SELENOT: variants seen among roughly 807,000 people sequenced by gnomAD.
SELENOT encodes the protein thioredoxin reductase-like selenoprotein T.
Under a neutral mutation model 24.3 loss-of-function variants are expected in SELENOT, and 9 were observed. The observed-to-expected ratio is 0.37, with a 90% confidence interval of 0.22 to 0.65. The LOEUF is 0.65. Ranked by LOEUF, SELENOT falls within the 30% of genes least tolerant of loss-of-function variation. The pLI, the probability that SELENOT is intolerant of heterozygous loss-of-function variation, is 0.60. For synonymous variants in SELENOT, 81 were observed against 86.0 expected (o/e 0.94, Z 0.32); for missense variants, 166 against 247.6 (o/e 0.67, Z 2.21).
At position 150,618,209 on chromosome 3, in the gene SELENOT, C is replaced by T. The variant is rs149958546; in HGVS notation, c.138-4176C>T. ...AGAGAAGGAACTCTGTTTGGATCTTCTTGTTACAGGTTTGTATTTCTGGAA... is the reference window on the plus strand; with the variant it reads ...AGAGAAGGAACTCTGTTTGGATCTTTTTGTTACAGGTTTGTATTTCTGGAA... On this transcript the variant is annotated intron_variant, in intron 1 of 5. Transcript: ENST00000471696. Among the ~76,000 whole-genome samples, 969 of 152,248 alleles carry T rather than the reference C, an allele frequency of 6.4e-3. 8 individuals carry two copies. The highest frequency in any genetic ancestry group is 0.023 in the African/African-American group (947 of 41,544).
chr3:150,606,944 G>T (rs1725978984), intron 1 of SELENOT, among the ~76,000 whole-genome samples: 1 of 152,038 alleles, frequency 6.6e-6, no homozygotes, highest in Non-Finnish European at 1.5e-5. Context: ...AATTTGTATT[G>T]ATAGTTACTC....
chr3:150,620,798 G>A (rs764669117), intron 1 of SELENOT, among the ~76,000 whole-genome samples: 53 of 152,314 alleles, frequency 3.5e-4, no homozygotes, highest in Middle Eastern at 3.4e-3. Flanking sequence ...TTTTAAGGTA[G>A]TTAGGCTTAT....
At chr3:150,618,219 G>C (rs1261554144) in intron 1 of SELENOT, among the ~76,000 whole-genome samples, 1 of 152,164 alleles carries the variant, frequency 6.6e-6, no homozygotes, top group Non-Finnish European at 1.5e-5. Context: ...CTTGTTACAG[G>C]TTTGTATTTC....
At chr3:150,608,097 C>T (rs1726008242) in intron 1 of SELENOT, among the ~76,000 whole-genome samples, 1 of 151,952 alleles carries the variant, frequency 6.6e-6, no homozygotes, top group African/African-American at 2.4e-5. Context: ...TGAGAGATGT[C>T]AAAGATGATT....
At chr3:150,608,441 TTTTG>T (rs1340033129) in intron 1 of SELENOT, among the ~76,000 whole-genome samples, 2 of 152,178 alleles carry the variant, frequency 1.3e-5, no homozygotes, top group African/African-American at 4.8e-5. Context: ...CTGTGGCTTT[TTTTG>T]TTTGTTATTG....
At chr3:150,626,307 TC>T (rs1258781368) in intron 4 of SELENOT, among the ~76,000 whole-genome samples, 1 of 152,230 alleles carries the variant, frequency 6.6e-6, no homozygotes, top group Non-Finnish European at 1.5e-5. Context: ...ATGATCTATT[TC>T]AGTGGTTAGC....
At chr3:150,613,665 C>CTTTTTTT (rs531822237) in intron 1 of SELENOT, among the ~76,000 whole-genome samples, 1 of 78,916 alleles carries the variant, frequency 1.3e-5, no homozygotes, top group African/African-American at 4.8e-5. Context: ...AAGATGGGAA[C>CTTTTTTT]TTTTTTTTTT....
At chr3:150,615,141 TTACTGA>T (rs1435221940) in intron 1 of SELENOT, among the ~76,000 whole-genome samples, 7 of 149,404 alleles carry the variant, frequency 4.7e-5, no homozygotes, top group African/African-American at 1.7e-4. Flanking sequence ...TTGCAATAGT[TTACTGA>T]GAATGATGGT....
In SELENOT at chr3:150,629,272, A is replaced by C. The variant is rs1236904326; in HGVS notation, c.*1643A>C. On this transcript the variant is annotated 3_prime_UTR_variant, in exon 6 of 6. Coordinates refer to ENST00000471696, the MANE Select transcript of SELENOT (RefSeq NM_016275.5). ...AAATTGATTAAGTGGCTGTCCTTTTAATTAAGAGTGTGGAGTCATAAACTT... is the reference window on the plus strand; with the variant it reads ...AAATTGATTAAGTGGCTGTCCTTTTCATTAAGAGTGTGGAGTCATAAACTT... 2.0e-5 allele frequency: 3 copies of C among 152,522 alleles called. No homozygotes were observed. In the East Asian group the frequency reaches 5.8e-4, roughly 29 times the overall value. The allele number at this position is 152,522 out of a possible 1,614,324, so 9.4% of individuals were successfully genotyped here.
chr3:150,604,865 C>T (rs981411373), intron 1 of SELENOT, among the ~76,000 whole-genome samples: 2 of 152,058 alleles, frequency 1.3e-5, no homozygotes, highest in African/African-American at 2.4e-5. Context: ...GAGAAACCCC[C>T]ATCTCTACTA....
At chr3:150,603,595 T>TGC in intron 1 of SELENOT, 96 bp downstream of exon 1, 1 of 1,348,654 alleles carries the variant, frequency 7.4e-7, no homozygotes, top group Non-Finnish European at 1.0e-6. Flanking sequence ...AATGGCCGCA[T>TGC]CTTCGCTGGC....
At chr3:150,611,004 CGT>C (rs113532087) in intron 1 of SELENOT, among the ~76,000 whole-genome samples, 4,230 of 145,224 alleles carry the variant, frequency 0.029, 61 homozygotes, top group African/African-American at 0.04. Context: ...CATCATGAGT[CGT>C]GTGTGTGTGT....
chr3:150,605,434 C>T (rs1217432623), intron 1 of SELENOT, among the ~76,000 whole-genome samples: 1 of 151,834 alleles, frequency 6.6e-6, no homozygotes, highest in East Asian at 1.9e-4. Context: ...GCATTCAGTC[C>T]TTCAAATTAA....
intron 1 of SELENOT, among the ~76,000 whole-genome samples, chr3:150,610,011 T>C (rs1726055151): frequency 6.6e-6 from 1 of 152,220 alleles, no homozygotes; most frequent in African/African-American, 2.4e-5. Flanking sequence ...TTAGAGAATT[T>C]CATTAGTTTA....
intron 4 of SELENOT, 137 bp from the exon 5 acceptor site, chr3:150,626,873 C>T (rs1726456243): frequency 2.7e-6 from 2 of 745,844 alleles, no homozygotes; most frequent in South Asian, 2.2e-5. Flanking sequence ...ATGTAAAGTC[C>T]CTGAGAGCAA....
At chr3:150,626,836 A>G in intron 4 of SELENOT, 174 bp from the exon 5 acceptor site, 1 of 588,470 alleles carries the variant, frequency 1.7e-6, no homozygotes, top group East Asian at 2.9e-5. Flanking sequence ...CCATTTGTGT[A>G]GTTCTTTTGA....
intron 1 of SELENOT, among the ~76,000 whole-genome samples, chr3:150,606,621 G>A (rs1282156061): frequency 6.6e-6 from 1 of 152,136 alleles, no homozygotes; most frequent in African/African-American, 2.4e-5. Context: ...TTGAGACAGT[G>A]TTGCTTTGTT....
chr3:150,627,903 T>G lies in SELENOT; in HGVS notation c.*274T>G, dbSNP rs2272084. ...TCACCCAGTTAATGTGTGTGTGTGT[T>G]TTTTTTTTAAGGTAAACATTACTAC... On this transcript the variant is annotated 3_prime_UTR_variant, in exon 6 of 6. Transcript: ENST00000471696. 0.33 allele frequency: 49,915 copies of G among 151,540 alleles called. 8,658 individuals are homozygous for G. The highest frequency in any genetic ancestry group is 0.51 in the East Asian group (2,620 of 5,154). 9.4% of individuals were successfully genotyped at this position (151,540 alleles called of 1,614,324 possible).
intron 3 of SELENOT, among the ~76,000 whole-genome samples, chr3:150,623,791 A>C (rs1426439992): frequency 1.3e-5 from 2 of 152,066 alleles, no homozygotes; most frequent in Middle Eastern, 6.3e-3. Context: ...AAATATTTTA[A>C]TATTAAAAAT....
Sources: gnomAD v4.1 joint callset for allele counts (sites outside exome capture counted in the v4.1 genomes callset) on GRCh38, gnomAD v4.1.1 for gene constraint, MANE v1.5 for transcripts, NCBI Gene and HGNC (gene_info 2026-07-23, HGNC 2026-07-21) for gene names.